The following KHDRBS1 variants were observed in gnomAD, a reference collection of about 807,000 sequenced individuals.
The protein encoded by KHDRBS1 is KH domain-containing, RNA-binding, signal transduction-associated protein 1.
In KHDRBS1, 7 loss-of-function variants were observed where a neutral mutation model predicts 48.4. That is an observed-to-expected ratio of 0.14 (90% CI 0.08 to 0.27). The LOEUF is 0.27. Ranked by LOEUF, KHDRBS1 falls within the 10% of genes least tolerant of loss-of-function variation. KHDRBS1 has a pLI of 1.00. For synonymous variants in KHDRBS1, 241 were observed against 235.8 expected, an observed-to-expected ratio of 1.02 and a Z score of -0.20; for missense variants, 458 against 601.2, an observed-to-expected ratio of 0.76 and a Z score of 2.49.
Position 32,039,505 on chromosome 1 carries a change from T to C in KHDRBS1, c.1176-10T>C. The stretch of plus-strand genomic sequence containing the variant: ...CTGTAGCTTCCTAACACTCTGCCTT[T>C]GGCTTTCAGGGACTCAGAATATTAT... On this transcript the variant is annotated splice_polypyrimidine_tract_variant and intron_variant, in intron 7 of 8. Transcript: ENST00000327300. 1 of 1,347,604 alleles carries C rather than the reference T, an allele frequency of 7.4e-7. No homozygotes were observed. The highest frequency in any genetic ancestry group is 1.1e-6 in the Non-Finnish European group (1 of 936,928). 83.5% of individuals were successfully genotyped at this position (1,347,604 alleles called of 1,614,324 possible).
At chr1:32,017,819 C>T (rs556219655) in intron 1 of KHDRBS1, among the ~76,000 whole-genome samples, 2 of 151,748 alleles carry the variant, frequency 1.3e-5, no homozygotes, top group Non-Finnish European at 1.5e-5. Context: ...GTTGGTCAGG[C>T]TGGTCTCAAA....
rs34505125 is a variant in KHDRBS1, at chr1:32,017,600, C to CTTTTTT, written c.382+3242_382+3247dup. 1.7e-3 allele frequency among the ~76,000 whole-genome samples: 127 copies of CTTTTTT among 73,798 alleles called. 3 individuals carry two copies. The highest frequency in any genetic ancestry group is 3.5e-3 in the African/African-American group (67 of 18,980). 48.4% of individuals were successfully genotyped at this position (73,798 alleles called of 152,430 possible). ...TATAGATACCAGTGTTCTTTTTCTA[C>CTTTTTT]TTTTTTTTTTTTTTTTTTTTTTTTG... On this transcript the variant is annotated intron_variant, in intron 1 of 8. Transcript: ENST00000327300.
At chr1:32,024,417 C>T (rs866648686) in intron 1 of KHDRBS1, among the ~76,000 whole-genome samples, 3 of 152,014 alleles carry the variant, frequency 2.0e-5, no homozygotes, top group Non-Finnish European at 4.4e-5. Flanking sequence ...CTCAAGTGAT[C>T]GTCCTGCCTC....
chr1:32,014,139 AG>A lies in KHDRBS1; in HGVS notation c.149del (p.Gly50AspfsTer76). 2 of 1,321,176 alleles carry A rather than the reference AG, an allele frequency of 1.5e-6. No homozygotes were observed. Among genetic ancestry groups the A allele is most frequent in the South Asian group, 2.2e-5 (1 of 45,706 alleles). 81.8% of individuals were successfully genotyped at this position (1,321,176 alleles called of 1,614,324 possible). On this transcript the variant is annotated frameshift_variant, in exon 1 of 9. Transcript: ENST00000327300. LOFTEE classifies it high-confidence loss of function. ...PLPHRSRGGG[G>X]GSRGGARASP... ...TGCCTCACCGGTCCCGGGGAGGCGG[AG>A]GGGGATCCCGCGGGGGCGCCCGGGC...
At chr1:32,020,369 T>C (rs1015795987) in intron 1 of KHDRBS1, among the ~76,000 whole-genome samples, 1 of 151,948 alleles carries the variant, frequency 6.6e-6, no homozygotes, top group Non-Finnish European at 1.5e-5. Flanking sequence ...GAGGCTGCCT[T>C]GAGCTGAGAT....
intron 1 of KHDRBS1, among the ~76,000 whole-genome samples, chr1:32,022,405 T>C (rs1332331062): frequency 6.6e-6 from 1 of 152,148 alleles, no homozygotes; most frequent in African/African-American, 2.4e-5. Flanking sequence ...AGTCCAGAGA[T>C]TGTTAACAAC....
chr1:32,035,186 G>A (rs1480477547), intron 4 of KHDRBS1, among the ~76,000 whole-genome samples: 1 of 152,070 alleles, frequency 6.6e-6, no homozygotes, highest in Non-Finnish European at 1.5e-5. Flanking sequence ...ATATTCCTCA[G>A]AAGGGTTAGG....
chr1:32,030,468 TGA>T (rs1639060521), intron 2 of KHDRBS1, 46 bp downstream of exon 2: 1 of 1,549,254 alleles, frequency 6.5e-7, no homozygotes, highest in East Asian at 2.3e-5. Context: ...TTTATAGTTA[TGA>T]GAGAGTCATG....
rs531979530 is a variant in KHDRBS1, at chr1:32,040,359, C to T, written c.1234+786C>T. ...TGAACCTGGGAGGCGGAGGTTGCAA[C>T]GAGCTGAGACCGTGCCATTGCACTC... On this transcript the variant is annotated intron_variant, in intron 8 of 8. Coordinates refer to ENST00000327300, the MANE Select transcript of KHDRBS1 (RefSeq NM_006559.3). Among the ~76,000 whole-genome samples the T allele has an allele frequency of 8.6e-5, 13 of 151,642 alleles. 1 individual carries two copies. In the South Asian group the frequency reaches 2.3e-3, roughly 27 times the overall value.
chr1:32,054,286 G>T (rs571380525), intron 10 of KHDRBS1, among the ~76,000 whole-genome samples: 1 of 152,230 alleles, frequency 6.6e-6, no homozygotes, highest in Admixed American at 6.5e-5. Context: ...GGGAAAATAA[G>T]GGAAGGAAGC....
chr1:32,026,316 G>A (rs899031148), intron 1 of KHDRBS1, among the ~76,000 whole-genome samples: 1 of 151,912 alleles, frequency 6.6e-6, no homozygotes, highest in Non-Finnish European at 1.5e-5. Context: ...ATACCACCAT[G>A]CCTGACTAAT....
chr1:32,033,244 G>A lies in KHDRBS1; in HGVS notation c.681G>A (p.Leu227=). 2 of 1,614,092 alleles carry A rather than the reference G, an allele frequency of 1.2e-6. No individual in the cohort carries two copies. Among genetic ancestry groups the A allele is most frequent in the Non-Finnish European group, 1.7e-6 (2 of 1,179,970 alleles). ...AATATGCCCACTTGAATATGGATCT[G>A]CATGTCTTCATTGAAGTCTTTGGAC... ...DPKYAHLNMD[L]HVFIEVFGPP... Residue 227 remains leucine (L), a synonymous_variant, in exon 4 of 9, where the codon CTG becomes CTA. Transcript: ENST00000327300.
chr1:32,015,856 GATAGA>G (rs1359984226), intron 1 of KHDRBS1, among the ~76,000 whole-genome samples: 1 of 152,190 alleles, frequency 6.6e-6, no homozygotes, highest in South Asian at 2.1e-4. Context: ...ACTTTGAGAA[GATAGA>G]ATAGTAGTAT....
chr1:32,019,534 A>G (rs1638813886), intron 1 of KHDRBS1, among the ~76,000 whole-genome samples: 1 of 152,290 alleles, frequency 6.6e-6, no homozygotes, highest in Middle Eastern at 3.4e-3. Flanking sequence ...AATCTCAAAA[A>G]AAAACAAAAA....
chr1:32,023,657 A>G (rs1638904532), intron 1 of KHDRBS1, among the ~76,000 whole-genome samples: 1 of 152,196 alleles, frequency 6.6e-6, no homozygotes, highest in Admixed American at 6.5e-5. Context: ...AGGTTAAACC[A>G]TTTTTAGGAA....
chr1:32,023,601 A>T (rs1308679661), intron 1 of KHDRBS1, among the ~76,000 whole-genome samples: 1 of 152,198 alleles, frequency 6.6e-6, no homozygotes, highest in African/African-American at 2.4e-5. Context: ...AAGATTACTT[A>T]AAGGAGTCAG....
intron 10 of KHDRBS1, among the ~76,000 whole-genome samples, chr1:32,052,136 A>G (rs1639429166): frequency 6.6e-6 from 1 of 152,230 alleles, no homozygotes; most frequent in Non-Finnish European, 1.5e-5. Flanking sequence ...ATTTTTATAG[A>G]TTAGGCAACT....
At chr1:32,042,418 A>G (rs1639296828) in intron 8 of KHDRBS1, 109 bp from the exon 9 acceptor site, 6 of 712,038 alleles carry the variant, frequency 8.4e-6, no homozygotes, top group Non-Finnish European at 1.5e-5. Flanking sequence ...GTGTCAAGAC[A>G]TTAGAAGAAA....
At chr1:32,046,926 G>A (rs1472431688), downstream of KHDRBS1, among the ~76,000 whole-genome samples, 5 of 152,158 alleles carry the variant, frequency 3.3e-5, no homozygotes, top group South Asian at 2.1e-4. Context: ...GAAATTTAGC[G>A]TGGGGAATCC....
Sources: allele counts gnomAD v4.1 joint callset (sites outside exome capture counted in the v4.1 genomes callset), GRCh38; gene constraint gnomAD v4.1.1; transcripts MANE v1.5; gene names NCBI Gene and HGNC (gene_info 2026-07-23, HGNC 2026-07-21).